PROX2: variants seen among roughly 807,000 people sequenced by gnomAD.
PROX2 encodes prospero homeobox 2, also known as prospero homeobox protein 2.
PROX2 carries 46 observed loss-of-function variants against 48.9 expected under a neutral mutation model. That is an observed-to-expected ratio of 0.94 (90% CI 0.74 to 1.20). PROX2 has a LOEUF of 1.20. Among genes scored for constraint, PROX2 ranks in the 50% most tolerant of loss-of-function variants. The pLI is 0.00. For synonymous variants in PROX2, 260 were observed against 276.6 expected (o/e 0.94, Z 0.60); for missense variants, 663 against 719.4 (o/e 0.92, Z 0.90).
At chr14:74,870,324 G>T (rs1200063874) in intron 2 of PROX2, among the ~76,000 whole-genome samples, 2 of 151,160 alleles carry the variant, frequency 1.3e-5, no homozygotes, top group Non-Finnish European at 2.9e-5. Flanking sequence ...TACTAGGGAG[G>T]CTGAGGCAGG....
At position 74,858,109 on chromosome 14, in the gene PROX2, A is replaced by C. The variant is rs1441284002; in HGVS notation, c.1413+298T>G. ...CCCCAGCCAAGGCAGAAAACTAGCCAAAAAGGCCACTAACTAGTGTTTCTG... is the reference window on the plus strand; with the variant it reads ...CCCCAGCCAAGGCAGAAAACTAGCCCAAAAGGCCACTAACTAGTGTTTCTG... On this transcript the variant is annotated intron_variant, in intron 4 of 5. Transcript: ENST00000556489. 4 of 244,948 alleles carry C rather than the reference A, an allele frequency of 1.6e-5. No individual in the cohort carries two copies. The East Asian group carries it at 3.3e-4, about 20-fold the overall frequency. 15.2% of individuals were successfully genotyped at this position (244,948 alleles called of 1,614,324 possible).
chr14:74,869,207 C>G (rs1051359424), intron 2 of PROX2, among the ~76,000 whole-genome samples: 1 of 151,998 alleles, frequency 6.6e-6, no homozygotes, highest in East Asian at 1.9e-4. Context: ...TGTTCTACTT[C>G]TTTTCCAACT....
intron 3 of PROX2, among the ~76,000 whole-genome samples, chr14:74,861,049 A>T (rs1341011344): frequency 6.6e-6 from 1 of 152,180 alleles, no homozygotes; most frequent in Non-Finnish European, 1.5e-5. Context: ...TTGCTCGCTA[A>T]CTTCCAGGAA....
In PROX2 at chr14:74,858,452, T is replaced by C; in HGVS notation, c.1368A>G (p.Arg456=). 1.3e-6 allele frequency: 2 copies of C among 1,586,474 alleles called. No individual in the cohort carries two copies. Among genetic ancestry groups the C allele is most frequent in the Non-Finnish European group, 1.7e-6 (2 of 1,165,128 alleles). The change falls in exon 4 of 6, where the codon CGA becomes CGG. Residue 456 remains arginine (R), a synonymous_variant. Coordinates refer to ENST00000556489, the MANE Select transcript of PROX2 (RefSeq NM_001243007.2). ...KKAKLMFFFT[R]YPSSNLLKVY... Reference sequence around the variant, plus strand: ...CCTTCAGGAGGTTGGAGCTGGGATATCGTGTGAAGAAAAACATTAGTTTGG... The same window carrying C: ...CCTTCAGGAGGTTGGAGCTGGGATACCGTGTGAAGAAAAACATTAGTTTGG...
At chr14:74,873,948 A>G in intron 1 of PROX2, 1 of 482,670 alleles carries the variant, frequency 2.1e-6, no homozygotes, top group Non-Finnish European at 4.2e-6. Context: ...TGTATTGGAA[A>G]TAGTTAATAG....
rs2140159054 is a variant in PROX2, at chr14:74,854,583, A to G, written c.*549T>C. On this transcript the variant is annotated 3_prime_UTR_variant, in exon 6 of 6. Coordinates refer to ENST00000556489, the MANE Select transcript of PROX2 (RefSeq NM_001243007.2). ...GCAGTTCTAAAGCTTCTGTTTGGTC[A>G]TCTTTTAAATGATGATAATAACTAC... is the stretch of plus-strand genomic sequence containing the variant. 1 of 153,568 alleles carries G rather than the reference A, an allele frequency of 6.5e-6. No individual in the cohort carries two copies. The highest frequency in any genetic ancestry group is 1.9e-4 in the East Asian group (1 of 5,192). The allele number at this position is 153,568 out of a possible 1,614,324, so 9.5% of individuals were successfully genotyped here.
intron 5 of PROX2, 44 bp from the exon 6 acceptor site, chr14:74,855,346 T>C (rs779101846): frequency 6.8e-7 from 1 of 1,463,280 alleles, no homozygotes; most frequent in Non-Finnish European, 9.2e-7. Flanking sequence ...GACGTGAGGT[T>C]GGGAAGCACT....
At chr14:74,867,423 A>G (rs1175475561) in intron 2 of PROX2, among the ~76,000 whole-genome samples, 1 of 152,044 alleles carries the variant, frequency 6.6e-6, no homozygotes, top group African/African-American at 2.4e-5. Context: ...TTCAAAATCC[A>G]ACTGAAATGT....
chr14:74,854,121 A>C lies in PROX2; in HGVS notation c.*1011T>G, dbSNP rs1411712266. 1.4e-5 allele frequency: 4 copies of C among 281,966 alleles called. No individual in the cohort carries two copies. Among genetic ancestry groups the C allele is most frequent in the South Asian group, 1.1e-4 (4 of 35,016 alleles). 17.5% of individuals were successfully genotyped at this position (281,966 alleles called of 1,614,324 possible). On this transcript the variant is annotated 3_prime_UTR_variant, in exon 6 of 6. Transcript: ENST00000556489. ...TCCCAATTTAAGCAGCATGGGCCAG[A>C]TGATCTCCTAAGGCCCTTTCTACCT...
At chr14:74,857,768 G>GTT (rs756780116) in intron 4 of PROX2, 22,040 of 139,960 alleles carry the variant, frequency 0.16, 1,862 homozygotes, top group South Asian at 0.29. Flanking sequence ...GTTTTTGTGT[G>GTT]TTTTTTTTTT....
chr14:74,868,288 C>A (rs1303748182), intron 2 of PROX2, among the ~76,000 whole-genome samples: 2 of 127,068 alleles, frequency 1.6e-5, no homozygotes, highest in African/African-American at 5.8e-5. Flanking sequence ...TCTCCATGTA[C>A]AGAGAAGTTT....
In PROX2 at chr14:74,863,854, C is replaced by T; in HGVS notation, c.-20G>A. ...ATCCATCCCAGGCACTTGTTCAGGG[C>T]TTCAGGAATTCCTCCTCCTTATTTC... On this transcript the variant is annotated 5_prime_UTR_variant, in exon 3 of 6. Coordinates refer to ENST00000556489, the MANE Select transcript of PROX2 (RefSeq NM_001243007.2). 1 of 1,464,130 alleles carries T rather than the reference C, an allele frequency of 6.8e-7. No homozygotes were observed. Among genetic ancestry groups the T allele is most frequent in the South Asian group, 1.5e-5 (1 of 65,500 alleles). 90.7% of individuals were successfully genotyped at this position (1,464,130 alleles called of 1,614,324 possible).
chr14:74,862,941 G>T lies in PROX2; in HGVS notation c.894C>A (p.Val298=). 2 of 1,613,898 alleles carry T rather than the reference G, an allele frequency of 1.2e-6. No homozygotes were observed. Among genetic ancestry groups the T allele is most frequent in the Non-Finnish European group, 8.5e-7 (1 of 1,179,852 alleles). Residue 298 remains valine (V), a synonymous_variant, in exon 3 of 6, where the codon GTC becomes GTA. Transcript: ENST00000556489. ...LPRRVQLQAG[V]PVGNLSLAKR... ...TGGCCAGTGATAAATTTCCTACTGG[G>T]ACCCCAGCTTGTAGCTGGACCCTCC...
chr14:74,870,441 T>TAC (rs10525556), intron 2 of PROX2, among the ~76,000 whole-genome samples: 2,508 of 110,892 alleles, frequency 0.023, 51 homozygotes, highest in Non-Finnish European at 0.028. Context: ...AAAAAAAAAA[T>TAC]ACACACACAC....
intron 1 of PROX2, among the ~76,000 whole-genome samples, chr14:74,873,385 G>A (rs1883262786): frequency 6.6e-6 from 1 of 152,196 alleles, no homozygotes; most frequent in Non-Finnish European, 1.5e-5. Context: ...CACTCTCTTA[G>A]GATTGTGGTG....
chr14:74,862,670 G>A lies in PROX2; in HGVS notation c.1165C>T (p.Pro389Ser), dbSNP rs367763340. ...CACTGCTGCTGGCTCAGGACCAATG[G>A]TTGCGGCTTAGTAGTTCTCCAAGGT... ...LRPWRTTKPQPLVLSQQQCPL... is the reference protein window; with the variant it reads ...LRPWRTTKPQSLVLSQQQCPL... The change falls in exon 3 of 6, where the codon CCA becomes TCA. Residue 389 changes from proline to serine, a missense_variant. By Grantham distance (74) the Pro-to-Ser change is moderately conservative. Transcript: ENST00000556489. 1.2e-6 allele frequency: 2 copies of A among 1,614,024 alleles called. No homozygotes were observed. Among genetic ancestry groups the A allele is most frequent in the Admixed American group, 1.7e-5 (1 of 60,030 alleles).
At chr14:74,865,321 G>A (rs983764772) in intron 2 of PROX2, 5 of 152,188 alleles carry the variant, frequency 3.3e-5, no homozygotes, top group African/African-American at 1.2e-4. Context: ...CTGCCCTCCT[G>A]GAACAGGCAG....
At chr14:74,869,798 G>C (rs942553699) in intron 2 of PROX2, among the ~76,000 whole-genome samples, 1 of 151,972 alleles carries the variant, frequency 6.6e-6, no homozygotes, top group Non-Finnish European at 1.5e-5. Flanking sequence ...GTATTTCTTT[G>C]ATTCTCAGTA....
At chr14:74,873,900 G>A (rs1004294398) in intron 1 of PROX2, 8 of 457,764 alleles carry the variant, frequency 1.7e-5, no homozygotes, top group African/African-American at 1.6e-4. Context: ...TGCAGTGTGA[G>A]GAGCAGGGTT....
Sources: gnomAD v4.1 joint callset for allele counts (sites outside exome capture counted in the v4.1 genomes callset) on GRCh38, gnomAD v4.1.1 for gene constraint, MANE v1.5 for transcripts, NCBI Gene and HGNC (gene_info 2026-07-23, HGNC 2026-07-21) for gene names.